CCSER1: variants seen among roughly 807,000 people sequenced by gnomAD.
CCSER1 encodes the protein coiled-coil serine rich protein 1.
Under a neutral mutation model 82.0 loss-of-function variants are expected in CCSER1, and 41 were observed. The ratio of observed to expected loss-of-function variants is 0.50; its 90% CI spans 0.39 to 0.65. CCSER1 has a LOEUF of 0.65. CCSER1 is among the 30% of genes least tolerant of loss of function. CCSER1 has a pLI of 0.00. For missense variants in CCSER1, 1,119 were observed against 1,064.2 expected, an observed-to-expected ratio of 1.05 and a Z score of -0.72; for synonymous variants, 414 against 383.9, an observed-to-expected ratio of 1.08 and a Z score of -0.92.
chr4:91,496,797 TTTGA>T lies in CCSER1; in HGVS notation c.2218-101774_2218-101771del, dbSNP rs1254296347. ...ATATTGAATATATATTGAATATATA[TTTGA>T]ATATATATATATTCAATATATATTG... On this transcript the variant is annotated intron_variant, in intron 10 of 10. Coordinates refer to ENST00000509176, the MANE Select transcript of CCSER1 (RefSeq NM_001145065.2). Among the ~76,000 whole-genome samples the T allele has an allele frequency of 1.1e-4, 4 of 35,148 alleles. 1 individual carries two copies. The highest frequency in any genetic ancestry group is 2.9e-4 in the African/African-American group (4 of 13,620). 23.1% of individuals were successfully genotyped at this position (35,148 alleles called of 152,430 possible). A position where few individuals can be genotyped will look rare whatever the true frequency, so the allele number is the denominator to read the frequency against.
chr4:91,199,491 T>C (rs564333928), intron 10 of CCSER1, among the ~76,000 whole-genome samples: 1 of 152,232 alleles, frequency 6.6e-6, no homozygotes, highest in South Asian at 2.1e-4. Context: ...CTTGTATTTC[T>C]GACAAAACTG....
intron 10 of CCSER1, among the ~76,000 whole-genome samples, chr4:91,202,811 ACTGT>A (rs980559882): frequency 2.0e-5 from 3 of 151,948 alleles, no homozygotes; most frequent in African/African-American, 7.3e-5. Context: ...AGATATACAC[ACTGT>A]CTTTTTATTC....
chr4:90,938,973 G>T (rs1434061256), intron 9 of CCSER1: 4 of 158,956 alleles, frequency 2.5e-5, no homozygotes, highest in Non-Finnish European at 5.6e-5. Flanking sequence ...AATAGATTTT[G>T]TTTAAAAAAT....
intron 3 of CCSER1, among the ~76,000 whole-genome samples, chr4:90,328,073 A>T (rs188745107): frequency 6.6e-6 from 1 of 152,170 alleles, no homozygotes; most frequent in Non-Finnish European, 1.5e-5. Flanking sequence ...TTTTTTATTT[A>T]CCTGTCCTAT....
intron 5 of CCSER1, among the ~76,000 whole-genome samples, chr4:90,521,162 T>C (rs941239800): frequency 6.6e-6 from 1 of 152,082 alleles, no homozygotes; most frequent in Non-Finnish European, 1.5e-5. Context: ...CTTGTGCTTC[T>C]CTTAAGTTCC....
At position 90,330,286 on chromosome 4, in the gene CCSER1, A is replaced by G. The variant is rs545150842; in HGVS notation, c.1509+17239A>G. ...AGGGTAACCAGCTGTCAGATAATTC[A>G]TATCATGTATTAGGCTTCAGTTGGG... On this transcript the variant is annotated intron_variant, in intron 3 of 10. Coordinates refer to ENST00000509176, the MANE Select transcript of CCSER1 (RefSeq NM_001145065.2). 2.7e-4 allele frequency among the ~76,000 whole-genome samples: 41 copies of G among 152,264 alleles called. 1 individual carries two copies. The South Asian group carries it at 4.1e-3, about 15-fold the overall frequency.
At chr4:90,770,901 AT>A (rs1445966798) in intron 7 of CCSER1, among the ~76,000 whole-genome samples, 1 of 152,196 alleles carries the variant, frequency 6.6e-6, no homozygotes, top group Non-Finnish European at 1.5e-5. Context: ...AGAACAAATC[AT>A]TTTAACAATA....
At chr4:90,485,362 G>A (rs142645469) in intron 5 of CCSER1, among the ~76,000 whole-genome samples, 2,436 of 152,174 alleles carry the variant, frequency 0.016, 38 homozygotes, top group African/African-American at 0.047. Flanking sequence ...GTTCACGCAC[G>A]GTGCGCTGCA....
chr4:90,597,542 A>C (rs1431624147), intron 5 of CCSER1, among the ~76,000 whole-genome samples: 2 of 152,064 alleles, frequency 1.3e-5, no homozygotes, highest in African/African-American at 4.8e-5. Context: ...TTTTTTAAAA[A>C]ATACATTTGA....
intron 3 of CCSER1, among the ~76,000 whole-genome samples, chr4:90,348,742 G>T (rs1353823412): frequency 6.6e-6 from 1 of 152,022 alleles, no homozygotes; most frequent in Non-Finnish European, 1.5e-5. Context: ...TGAATTTAGG[G>T]TTTAGCATTA....
chr4:90,440,002 A>G (rs1362167676), intron 4 of CCSER1, among the ~76,000 whole-genome samples: 1 of 151,618 alleles, frequency 6.6e-6, no homozygotes, highest in African/African-American at 2.4e-5. Context: ...ATGTTTTGTT[A>G]TTTTATTTTT....
intron 3 of CCSER1, among the ~76,000 whole-genome samples, chr4:90,359,084 AG>A (rs1744847479): frequency 6.6e-6 from 1 of 152,208 alleles, no homozygotes; most frequent in Non-Finnish European, 1.5e-5. Context: ...GAATTCAGAG[AG>A]AAGATATGAC....
chr4:90,824,711 A>G (rs530958912), intron 8 of CCSER1, among the ~76,000 whole-genome samples: 14 of 152,252 alleles, frequency 9.2e-5, no homozygotes, highest in Non-Finnish European at 1.6e-4. Flanking sequence ...ATTTCATGCT[A>G]GTCATTTTAG....
Position 90,899,981 on chromosome 4 carries a change from TC to T in CCSER1, c.2095-23383del, listed in dbSNP as rs1206753604. ...TTTCCTAGAATGAATTAGGAAGCATTCCCCCCTCCTTGTTTGTTTTTAATAA... is the reference window on the plus strand; with the variant it reads ...TTTCCTAGAATGAATTAGGAAGCATTCCCCCTCCTTGTTTGTTTTTAATAA... On this transcript the variant is annotated intron_variant, in intron 8 of 10. Coordinates refer to ENST00000509176, the MANE Select transcript of CCSER1 (RefSeq NM_001145065.2). Among the ~76,000 whole-genome samples the T allele has an allele frequency of 3.3e-5, 5 of 152,004 alleles. No individual in the cohort carries two copies. In the East Asian group the frequency reaches 7.7e-4, roughly 23 times the overall value.
In CCSER1 at chr4:90,964,632, G is replaced by A. The variant is rs879795080; in HGVS notation, c.2172+41185G>A. ...CTCAGCTACTCGGGAGGCTGATCCA[G>A]GAGAATGGCATGAACCCGGGAGGCA... On this transcript the variant is annotated intron_variant, in intron 9 of 10. Coordinates refer to ENST00000509176, the MANE Select transcript of CCSER1 (RefSeq NM_001145065.2). 3.5e-4 allele frequency among the ~76,000 whole-genome samples: 53 copies of A among 150,372 alleles called. 1 individual carries two copies. The highest frequency in any genetic ancestry group is 1.6e-3 in the Admixed American group (24 of 15,028).
chr4:91,552,798 A>G (rs559688053), intron 10 of CCSER1, among the ~76,000 whole-genome samples: 2 of 151,434 alleles, frequency 1.3e-5, no homozygotes. Context: ...AGGATTTTCT[A>G]TATATTAGAT....
intron 6 of CCSER1, among the ~76,000 whole-genome samples, chr4:90,695,089 C>A (rs1736779170): frequency 6.7e-6 from 1 of 148,268 alleles, no homozygotes; most frequent in African/African-American, 2.5e-5. Flanking sequence ...TATATATTTG[C>A]CAATCTAGAA....
At chr4:91,343,425 C>A (rs1192399932) in intron 10 of CCSER1, among the ~76,000 whole-genome samples, 4 of 151,912 alleles carry the variant, frequency 2.6e-5, no homozygotes, top group African/African-American at 4.8e-5. Context: ...ATCCTTTGAG[C>A]AAAACAGTGA....
intron 9 of CCSER1, among the ~76,000 whole-genome samples, chr4:90,959,468 A>G (rs937977689): frequency 6.6e-6 from 1 of 152,312 alleles, no homozygotes; most frequent in South Asian, 2.1e-4. Context: ...TCCAAAGTCC[A>G]AACCATTAGT....
Sources: allele counts gnomAD v4.1 joint callset (sites outside exome capture counted in the v4.1 genomes callset), GRCh38; gene constraint gnomAD v4.1.1; transcripts MANE v1.5; gene names NCBI Gene and HGNC (gene_info 2026-07-23, HGNC 2026-07-21).